Variants in MARCHF1 observed in about 807,000 individuals in gnomAD.
MARCHF1 encodes the protein E3 ubiquitin-protein ligase MARCHF1.
MARCHF1 carries 40 observed loss-of-function variants against 54.2 expected under a neutral mutation model. The observed-to-expected ratio is 0.74, with a 90% CI of 0.57 to 0.96. MARCHF1 has a LOEUF of 0.96. MARCHF1 is among the 40% of genes least tolerant of loss of function. The pLI is 0.00. For synonymous variants in MARCHF1, 236 were observed against 236.3 expected (o/e 1.00, Z 0.01); for missense variants, 586 against 656.5 (o/e 0.89, Z 1.17).
At chr4:163,588,931 T>A (rs764003815) in intron 7 of MARCHF1, among the ~76,000 whole-genome samples, 2 of 152,058 alleles carry the variant, frequency 1.3e-5, no homozygotes, top group Non-Finnish European at 2.9e-5. Context: ...AAACAAATTT[T>A]ACAAAATAAA....
chr4:163,995,847 T>C (rs1245406323), intron 2 of MARCHF1, among the ~76,000 whole-genome samples: 1 of 152,090 alleles, frequency 6.6e-6, no homozygotes, highest in African/African-American at 2.4e-5. Context: ...CAGAGACCCC[T>C]GTTCTTTCAT....
chr4:163,997,600 A>G (rs1372571860), intron 2 of MARCHF1, among the ~76,000 whole-genome samples: 2 of 151,970 alleles, frequency 1.3e-5, no homozygotes, highest in Non-Finnish European at 2.9e-5. Context: ...TTTCTGTGAC[A>G]TTAGATATTG....
At chr4:163,813,022 A>G (rs1748436557) in intron 4 of MARCHF1, among the ~76,000 whole-genome samples, 1 of 152,318 alleles carries the variant, frequency 6.6e-6, no homozygotes, top group Middle Eastern at 3.4e-3. Context: ...ATGAGCTATA[A>G]AAGTCATTAT....
intron 5 of MARCHF1, among the ~76,000 whole-genome samples, chr4:163,688,082 C>T (rs1744324882): frequency 6.6e-6 from 1 of 151,960 alleles, no homozygotes; most frequent in South Asian, 2.1e-4. Context: ...CAACATTATC[C>T]TCACTGTAGG....
At position 163,539,123 on chromosome 4, in the gene MARCHF1, A is replaced by C. The variant is rs992852965; in HGVS notation, c.1339+6473T>G. Among the ~76,000 whole-genome samples, 3 of 151,966 alleles carry C rather than the reference A, an allele frequency of 2.0e-5. No homozygotes were observed. In the East Asian group the frequency reaches 5.8e-4, roughly 29 times the overall value. On this transcript the variant is annotated intron_variant, in intron 9 of 9. Coordinates refer to ENST00000514618, the MANE Select transcript of MARCHF1 (RefSeq NM_001394959.1). Reference sequence around the variant, plus strand: ...GCAACCTTTGACTCCTGGGTTTAAGAGATTTCCTGGCCTCAGCCTCCTGAG... The same window carrying C: ...GCAACCTTTGACTCCTGGGTTTAAGCGATTTCCTGGCCTCAGCCTCCTGAG...
chr4:164,139,350 G>GA (rs1246827102), intron 1 of MARCHF1, among the ~76,000 whole-genome samples: 1 of 152,160 alleles, frequency 6.6e-6, no homozygotes, highest in East Asian at 1.9e-4. Context: ...AAAAGGTTTT[G>GA]AAAATCTCAT....
At chr4:163,829,599 C>T (rs956622772) in intron 4 of MARCHF1, among the ~76,000 whole-genome samples, 7 of 152,100 alleles carry the variant, frequency 4.6e-5, no homozygotes, top group African/African-American at 1.7e-4. Flanking sequence ...CAGAAGTGCA[C>T]GCAGGCTCAG....
intron 5 of MARCHF1, among the ~76,000 whole-genome samples, chr4:163,661,391 T>C (rs1173490861): frequency 6.6e-6 from 1 of 152,034 alleles, no homozygotes; most frequent in Non-Finnish European, 1.5e-5. Context: ...TCTGAAATTT[T>C]GGCTTTTTAG....
At chr4:164,034,088 T>TAGAC in intron 2 of MARCHF1, among the ~76,000 whole-genome samples, 1 of 138,810 alleles carries the variant, frequency 7.2e-6, no homozygotes, top group Non-Finnish European at 1.6e-5. Context: ...GATAGATAGA[T>TAGAC]AGATAGATAG....
At chr4:163,689,891 A>C (rs983759073) in intron 5 of MARCHF1, among the ~76,000 whole-genome samples, 2 of 152,228 alleles carry the variant, frequency 1.3e-5, no homozygotes, top group African/African-American at 4.8e-5. Context: ...AAGAGTTTAA[A>C]TTAAATTAAA....
intron 2 of MARCHF1, among the ~76,000 whole-genome samples, chr4:164,090,709 A>G (rs1218627712): frequency 6.6e-6 from 1 of 152,146 alleles, no homozygotes; most frequent in Non-Finnish European, 1.5e-5. Flanking sequence ...TCTTATTGAG[A>G]TAAGAATCTT....
chr4:163,662,562 C>A (rs2111103665), intron 5 of MARCHF1, among the ~76,000 whole-genome samples: 1 of 152,108 alleles, frequency 6.6e-6, no homozygotes, highest in East Asian at 1.9e-4. Context: ...CTTTAGTTGT[C>A]TCTACTTGCT....
At chr4:164,132,977 T>G (rs985857001) in intron 1 of MARCHF1, among the ~76,000 whole-genome samples, 2 of 152,208 alleles carry the variant, frequency 1.3e-5, no homozygotes, top group South Asian at 2.1e-4. Context: ...TTTTTCCTTT[T>G]GACGTGAGAT....
chr4:163,688,195 T>C (rs569590699), intron 5 of MARCHF1, among the ~76,000 whole-genome samples: 5 of 151,922 alleles, frequency 3.3e-5, no homozygotes, highest in East Asian at 3.9e-4. Flanking sequence ...CAGGACTCAA[T>C]TGTAACAAAA....
At chr4:163,575,239 T>TA (rs1739997704) in intron 8 of MARCHF1, among the ~76,000 whole-genome samples, 1 of 152,144 alleles carries the variant, frequency 6.6e-6, no homozygotes, top group South Asian at 2.1e-4. Flanking sequence ...TGAGGGTTTT[T>TA]ATCATGAAGG....
At chr4:163,744,205 C>T (rs772156069) in intron 4 of MARCHF1, among the ~76,000 whole-genome samples, 4 of 152,174 alleles carry the variant, frequency 2.6e-5, no homozygotes, top group African/African-American at 9.7e-5. Context: ...CAAGGACCCA[C>T]TGGTTGAATT....
At chr4:163,640,071 G>A (rs529952106) in intron 5 of MARCHF1, among the ~76,000 whole-genome samples, 1 of 152,110 alleles carries the variant, frequency 6.6e-6, no homozygotes, top group Non-Finnish European at 1.5e-5. Context: ...TTTGGGTTGA[G>A]ATAGGACTTA....
rs556937126 is a variant in MARCHF1, at chr4:163,809,940, T to G, written c.111+44081A>C. On this transcript the variant is annotated intron_variant, in intron 4 of 9. Coordinates refer to ENST00000514618, the MANE Select transcript of MARCHF1 (RefSeq NM_001394959.1). ...CAGATTCAGTAACTACCACAAAACT[T>G]TTTTTTCCTGTCTTAGAATTTTCTT... Among the ~76,000 whole-genome samples, 12 of 152,226 alleles carry G rather than the reference T, an allele frequency of 7.9e-5. No homozygotes were observed. In the South Asian group the frequency reaches 2.3e-3, roughly 29 times the overall value.
chr4:163,726,116 A>G (rs191723902), intron 4 of MARCHF1, among the ~76,000 whole-genome samples: 135 of 152,306 alleles, frequency 8.9e-4, no homozygotes, highest in African/African-American at 2.9e-3. Flanking sequence ...TCATGAATGT[A>G]CACTGACACA....
Sources: gnomAD v4.1 joint callset for allele counts (sites outside exome capture counted in the v4.1 genomes callset) on GRCh38, gnomAD v4.1.1 for gene constraint, MANE v1.5 for transcripts, NCBI Gene and HGNC (gene_info 2026-07-23, HGNC 2026-07-21) for gene names.